Variants in EML3 observed in about 807,000 individuals in gnomAD.
EML3 encodes echinoderm microtubule-associated protein-like 3.
In EML3, 53 loss-of-function variants were observed where a neutral mutation model predicts 106.7. The ratio of observed to expected loss-of-function variants is 0.50; its 90% CI spans 0.40 to 0.62. The LOEUF is 0.62. Ranked by LOEUF, EML3 falls within the 20% of genes least tolerant of loss-of-function variation. EML3 has a pLI of 0.00. For missense variants in EML3, 994 were observed against 1,209.1 expected, an observed-to-expected ratio of 0.82 and a Z score of 2.64; for synonymous variants, 499 against 489.6, an observed-to-expected ratio of 1.02 and a Z score of -0.25.
chr11:62,606,992 T>C lies in EML3; in HGVS notation c.1470A>G (p.Ser490=). ...CACCCCTGCCTGGGGTCTTGGAATC[T>C]GAAGGGCTCCGCCCCCAGGTGAGAA... ...GNILTWGRSP[S]DSKTPGRGGA... is the part of the protein sequence containing the mutation. Residue 490 remains serine, a synonymous_variant, in exon 12 of 22, where the codon TCA becomes TCG. Transcript: ENST00000394773. 1 of 1,614,140 alleles carries C rather than the reference T, an allele frequency of 6.2e-7. No individual in the cohort carries two copies.
chr11:62,608,393 G>A (rs977151678), intron 9 of EML3, 97 bp from the exon 10 acceptor site: 6 of 1,385,630 alleles, frequency 4.3e-6, no homozygotes, highest in Middle Eastern at 1.8e-4. Context: ...GATGGAGAGG[G>A]CAGAAAAAGT....
intron 11 of EML3, 152 bp downstream of exon 11, chr11:62,607,514 G>T: frequency 1.1e-6 from 1 of 889,930 alleles, no homozygotes; most frequent in Non-Finnish European, 1.6e-6. Flanking sequence ...TCTGGCCTGG[G>T]TGACAAGAGC....
intron 12 of EML3, 82 bp downstream of exon 12, chr11:62,606,876 A>T: frequency 3.6e-4 from 434 of 1,198,914 alleles, no homozygotes; most frequent in Non-Finnish European, 4.5e-4. Context: ...AAAAAAAAAG[A>T]TGGGAATGGG....
Position 62,609,618 on chromosome 11 carries a change from T to A in EML3, c.634+11A>T. The stretch of plus-strand genomic sequence containing the variant: ...CCATCCAAGTTTTCCTCTCTGTCCC[T>A]CTTTACATACCCAAATTGTAATTGC... On this transcript the variant is annotated intron_variant, in intron 5 of 21. Coordinates refer to ENST00000394773, the MANE Select transcript of EML3 (RefSeq NM_153265.3). The A allele has an allele frequency of 6.2e-7, 1 of 1,605,044 alleles. No homozygotes were observed. Among genetic ancestry groups the A allele is most frequent in the Non-Finnish European group, 8.5e-7 (1 of 1,175,792 alleles).
intron 9 of EML3, 53 bp from the exon 10 acceptor site, chr11:62,608,349 G>A (rs1001962323): frequency 9.8e-6 from 15 of 1,531,118 alleles, no homozygotes; most frequent in Non-Finnish European, 1.4e-5. Context: ...AGGTCCAGGG[G>A]TTCATGGTCA....
Position 62,608,973 on chromosome 11 carries a change from G to A in EML3, c.918C>T (p.Asp306=). ...CCCGGACTCCTCACCATCGAACGCAGTCTGTGTGCCCCCGGTAATGTCTCT... is the reference window on the plus strand; with the variant it reads ...CCCGGACTCCTCACCATCGAACGCAATCTGTGTGCCCCCGGTAATGTCTCT... ...GGQRHYRGHT[D]CVRCLAVHPD... Residue 306 remains aspartate, a synonymous_variant, in exon 7 of 22, where the codon GAC becomes GAT. Transcript: ENST00000394773. 6.2e-7 allele frequency: 1 copy of A among 1,613,878 alleles called. No homozygotes were observed.
chr11:62,607,554 A>C, intron 11 of EML3, 112 bp downstream of exon 11: 1 of 1,293,100 alleles, frequency 7.7e-7, no homozygotes, highest in Admixed American at 2.4e-5. Context: ...AAAAAAAAAA[A>C]AGGTCACAGG....
chr11:62,608,079 A>T, intron 10 of EML3, 122 bp downstream of exon 10: 2 of 981,392 alleles, frequency 2.0e-6, no homozygotes, highest in Non-Finnish European at 1.6e-6. Context: ...AGAAGCTAGG[A>T]GATTTGCCCC....
In EML3 at chr11:62,602,233, G is replaced by A; in HGVS notation, c.*242C>T. The stretch of plus-strand genomic sequence containing the variant: ...GCACCGGGAGGCGACTTTGGTTCTG[G>A]TTTATTGCCCCTCAGCAGGCAGCGG... On this transcript the variant is annotated 3_prime_UTR_variant, in exon 22 of 22. Coordinates refer to ENST00000394773, the MANE Select transcript of EML3 (RefSeq NM_153265.3). 3 of 1,537,046 alleles carry A rather than the reference G, an allele frequency of 2.0e-6. No homozygotes were observed. The highest frequency in any genetic ancestry group is 8.8e-7 in the Non-Finnish European group (1 of 1,139,462).
At chr11:62,606,514 A>G in intron 12 of EML3, 1 of 450,180 alleles carries the variant, frequency 2.2e-6, no homozygotes, top group Non-Finnish European at 4.0e-6. Context: ...TGCTGCCCAC[A>G]CGCTTCTAGA....
Position 62,605,221 on chromosome 11 carries a change from T to C in EML3, c.1915-41A>G, listed in dbSNP as rs1942452459. The C allele has an allele frequency of 2.5e-6, 4 of 1,598,564 alleles. No homozygotes were observed. Among genetic ancestry groups the C allele is most frequent in the Non-Finnish European group, 2.6e-6 (3 of 1,170,694 alleles). The stretch of plus-strand genomic sequence containing the variant: ...AGGTGAATTCAAGATGATGTCTTTC[T>C]AGTGAGGGAACCAGAGTGAACCCCT... On this transcript the variant is annotated intron_variant, in intron 15 of 21. Coordinates refer to ENST00000394773, the MANE Select transcript of EML3 (RefSeq NM_153265.3). The surrounding 1 kb of genome is among the most constrained non-coding windows in gnomAD (Gnocchi z 5.2).
intron 16 of EML3, 44 bp from the exon 17 acceptor site, chr11:62,604,245 AGGATGTAAG>A: frequency 6.3e-7 from 1 of 1,596,254 alleles, no homozygotes; most frequent in Non-Finnish European, 8.6e-7. Context: ...ACGAAAAGGC[AGGATGTAAG>A]GAGACCCCCA....
Position 62,602,666 on chromosome 11 carries a change from T to G in EML3, c.2500A>C (p.Met834Leu). ...ACGTGGCTGCCGTGGCCCCCGTACA[T>G]GCGGCTCGGCGCCTGGGCCGGAGGG... ...PCARAKAPSRMYGGHGSHVTS... is the reference protein window; with the variant it reads ...PCARAKAPSRLYGGHGSHVTS... The change falls in exon 22 of 22, where the codon ATG becomes CTG. Residue 834 changes from methionine to leucine, a missense_variant. Physicochemically the swap from Met to Leu is conservative, Grantham distance 15 (BLOSUM62 2). This residue lies in a region of EML3 where 713 missense variants were observed against 920.5 expected (regional missense o/e 0.77). Transcript: ENST00000394773. 10 of 1,596,882 alleles carry G rather than the reference T, an allele frequency of 6.3e-6. No individual in the cohort carries two copies. Among genetic ancestry groups the G allele is most frequent in the Non-Finnish European group, 8.5e-6 (10 of 1,174,776 alleles).
chr11:62,608,139 C>T, intron 10 of EML3, 62 bp downstream of exon 10: 1 of 1,475,302 alleles, frequency 6.8e-7, no homozygotes, highest in East Asian at 2.3e-5. Context: ...TCTGGAGCTC[C>T]CTGCACTCCA....
intron 1 of EML3, 99 bp downstream of exon 1, chr11:62,612,337 C>A: frequency 8.0e-7 from 1 of 1,244,364 alleles, no homozygotes; most frequent in South Asian, 1.3e-5. Flanking sequence ...GGCGGAGGAG[C>A]ACGCGGGGAC....
chr11:62,603,667 C>T lies in EML3; in HGVS notation c.2257+62G>A, dbSNP rs117283860. 12,073 of 1,394,350 alleles carry T rather than the reference C, an allele frequency of 8.7e-3. 1,089 individuals carry two copies. The Admixed American group carries it at 0.18, about 21-fold the overall frequency. The allele number at this position is 1,394,350 out of a possible 1,614,324, so 86.4% of individuals were successfully genotyped here. ...CTTATCTAACAACACCTCTAACAGC[C>T]CCCCCTACACAAAACCCACTCCAAT... On this transcript the variant is annotated intron_variant, in intron 19 of 21. Transcript: ENST00000394773.
chr11:62,607,718 C>T lies in EML3; in HGVS notation c.1310G>A (p.Gly437Glu), dbSNP rs754623188. The change falls in exon 11 of 22, where the codon GGA becomes GAA. Residue 437 changes from glycine (G) to glutamate (E), a missense_variant. By Grantham distance (98) the Gly-to-Glu change is moderately conservative. This residue lies in a region of EML3 where 713 missense variants were observed against 920.5 expected (regional missense o/e 0.77). Coordinates refer to ENST00000394773, the MANE Select transcript of EML3 (RefSeq NM_153265.3). The part of the protein sequence containing the change: ...SHVHFWNWSG[G>E]VGVPGNGTLT... ...GGTCCCATTCCCAGGAACCCCTACT[C>T]CACCACTCCAATTCCAGAAGTGGAC... The T allele has an allele frequency of 8.1e-6, 13 of 1,614,000 alleles. No individual in the cohort carries two copies. The highest frequency in any genetic ancestry group is 1.1e-5 in the Non-Finnish European group (13 of 1,180,024).
rs144366119 is a variant in EML3 at position 62,605,879 on chromosome 11, G to C, written c.1758C>G (p.Ala586=). 9.8e-5 allele frequency: 158 copies of C among 1,614,184 alleles called. No homozygotes were observed. In the East Asian group the frequency reaches 3.2e-3, roughly 33 times the overall value. The change falls in exon 14 of 22, where the codon GCC becomes GCG. Residue 586 remains alanine, a synonymous_variant. Coordinates refer to ENST00000394773, the MANE Select transcript of EML3 (RefSeq NM_153265.3). The surrounding 1 kb of genome is among the most constrained non-coding windows in gnomAD (Gnocchi z 5.2). ...CCTGGATTACAGGGGAGAAGCCCTG[G>C]GCCAGGTCTCCCCTCAGCAATGCAT... ...TKNALLRGDL[A]QGFSPVIQGH... is the part of the protein sequence containing the mutation.
chr11:62,612,417 C>G lies in EML3; in HGVS notation c.22+19G>C, dbSNP rs1232360524. The G allele has an allele frequency of 6.7e-7, 1 of 1,499,210 alleles. No homozygotes were observed. The highest frequency in any genetic ancestry group is 1.2e-5 in the South Asian group (1 of 81,756). 92.9% of individuals were successfully genotyped at this position (1,499,210 alleles called of 1,614,324 possible). ...GCGCTCCGGGAAGGGGCACGCCGCC[C>G]GCCCCGCCCCGTACTCACCGGGCCC... On this transcript the variant is annotated intron_variant, in intron 1 of 21. Coordinates refer to ENST00000394773, the MANE Select transcript of EML3 (RefSeq NM_153265.3).
Sources: gnomAD v4.1 joint callset for allele counts on GRCh38, gnomAD v4.1.1 for gene constraint, gnomAD v4.1.1 regional missense constraint, Gnocchi (gnomAD v3.1) non-coding constraint, MANE v1.5 for transcripts, NCBI Gene and HGNC (gene_info 2026-07-23, HGNC 2026-07-21) for gene names.